Variants in LRRC4C observed in about 807,000 individuals in gnomAD.
LRRC4C encodes the protein leucine-rich repeat-containing protein 4C.
A neutral mutation model predicts 33.6 loss-of-function variants in LRRC4C; 5 were observed. That is an observed-to-expected ratio of 0.15 (90% CI 0.08 to 0.31). The LOEUF is 0.31. LRRC4C is among the 10% of genes least tolerant of loss of function. The pLI is 1.00. For synonymous variants in LRRC4C, 329 were observed against 302.0 expected (o/e 1.09, Z -0.93); for missense variants, 560 against 796.7 (o/e 0.70, Z 3.58).
chr11:40,599,564 T>C (rs546982397), intron 3 of LRRC4C, among the ~76,000 whole-genome samples: 14 of 152,286 alleles, frequency 9.2e-5, no homozygotes, highest in Non-Finnish European at 2.9e-5. Flanking sequence ...TTACCTTATA[T>C]TATTTATTTA....
chr11:40,576,251 G>A (rs1958187968), intron 3 of LRRC4C, among the ~76,000 whole-genome samples: 1 of 152,188 alleles, frequency 6.6e-6, no homozygotes, highest in Non-Finnish European at 1.5e-5. Flanking sequence ...GGGACACCAG[G>A]TTTTAGTACC....
chr11:41,199,688 T>A (rs990199), intron 1 of LRRC4C, among the ~76,000 whole-genome samples: 93,895 of 151,888 alleles, frequency 0.62, 31,812 homozygotes, highest in South Asian at 0.78. Flanking sequence ...ACCTACCTCC[T>A]CCATTGCTTA....
intron 1 of LRRC4C, among the ~76,000 whole-genome samples, chr11:41,160,540 C>T (rs1944423807): frequency 6.6e-6 from 1 of 151,966 alleles, no homozygotes; most frequent in South Asian, 2.1e-4. Flanking sequence ...AGGACAATGG[C>T]CATGCATACA....
chr11:41,441,922 T>C (rs2166653), intron 1 of LRRC4C, among the ~76,000 whole-genome samples: 2 of 151,884 alleles, frequency 1.3e-5, no homozygotes, highest in African/African-American at 4.8e-5. Context: ...AAATAAAACA[T>C]AAATTTAGGA....
chr11:40,341,567 T>C (rs190873311), intron 3 of LRRC4C, among the ~76,000 whole-genome samples: 1 of 151,994 alleles, frequency 6.6e-6, no homozygotes, highest in East Asian at 1.9e-4. Context: ...GGGATAGCAT[T>C]AGGAGATATA....
intron 2 of LRRC4C, among the ~76,000 whole-genome samples, chr11:40,711,828 G>T (rs1007926843): frequency 6.6e-6 from 1 of 151,948 alleles, no homozygotes; most frequent in African/African-American, 2.4e-5. Flanking sequence ...TAATTTATAA[G>T]TTGGAAACAT....
At chr11:41,061,807 A>G (rs1414579270) in intron 1 of LRRC4C, among the ~76,000 whole-genome samples, 2 of 152,064 alleles carry the variant, frequency 1.3e-5, no homozygotes, top group Non-Finnish European at 2.9e-5. Flanking sequence ...GACAAGCCCA[A>G]ATGGATAAAT....
chr11:41,429,318 T>C (rs1430941610), intron 1 of LRRC4C, among the ~76,000 whole-genome samples: 1 of 152,178 alleles, frequency 6.6e-6, no homozygotes, highest in Non-Finnish European at 1.5e-5. Flanking sequence ...TTATCCAGTA[T>C]TGGGTATGTC....
chr11:41,320,203 A>C (rs1950917470), intron 1 of LRRC4C, among the ~76,000 whole-genome samples: 1 of 152,194 alleles, frequency 6.6e-6, no homozygotes, highest in African/African-American at 2.4e-5. Context: ...TGCAACTTTA[A>C]ATAGTGGTTT....
intron 2 of LRRC4C, among the ~76,000 whole-genome samples, chr11:40,923,115 G>A (rs764811676): frequency 5.2e-4 from 79 of 152,148 alleles, no homozygotes; most frequent in Non-Finnish European, 9.3e-4. Context: ...GTGAGCCACT[G>A]CACCAGCCTG....
chr11:40,335,180 C>A (rs1410071295), intron 3 of LRRC4C, among the ~76,000 whole-genome samples: 3 of 152,000 alleles, frequency 2.0e-5, no homozygotes, highest in African/African-American at 7.2e-5. Flanking sequence ...GGTGCAGAAA[C>A]CATGACCCTG....
chr11:40,636,758 C>CA (rs1403934411), intron 3 of LRRC4C, among the ~76,000 whole-genome samples: 8 of 152,142 alleles, frequency 5.3e-5, no homozygotes, highest in African/African-American at 1.9e-4. Flanking sequence ...CTAACTCACT[C>CA]AAAGATTCAT....
At chr11:41,263,159 G>C (rs1400501687) in intron 1 of LRRC4C, among the ~76,000 whole-genome samples, 1 of 152,106 alleles carries the variant, frequency 6.6e-6, no homozygotes, top group Non-Finnish European at 1.5e-5. Context: ...AACCAAAACT[G>C]TTGGTTTGAA....
chr11:40,208,869 A>G (rs889520548), intron 5 of LRRC4C, among the ~76,000 whole-genome samples: 4 of 152,066 alleles, frequency 2.6e-5, no homozygotes, highest in African/African-American at 9.7e-5. Flanking sequence ...TCAACTCGGT[A>G]GTTTAAAATT....
chr11:40,354,719 C>G (rs973194675), intron 3 of LRRC4C, among the ~76,000 whole-genome samples: 1 of 152,116 alleles, frequency 6.6e-6, no homozygotes, highest in Non-Finnish European at 1.5e-5. Flanking sequence ...GCCTGGGTCT[C>G]TCCTTTCAGG....
At chr11:40,597,000 G>A (rs1310718200) in intron 3 of LRRC4C, among the ~76,000 whole-genome samples, 1 of 152,148 alleles carries the variant, frequency 6.6e-6, no homozygotes, top group Non-Finnish European at 1.5e-5. Flanking sequence ...AAAGATAAAT[G>A]TGATATTTAC....
chr11:40,767,131 TA>T (rs558598473), intron 2 of LRRC4C, among the ~76,000 whole-genome samples: 21 of 151,496 alleles, frequency 1.4e-4, no homozygotes, highest in Non-Finnish European at 2.4e-4. Flanking sequence ...ATAAATAAAA[TA>T]AAAAATATTT....
chr11:40,611,389 G>T (rs1961200989), intron 3 of LRRC4C, among the ~76,000 whole-genome samples: 2 of 151,812 alleles, frequency 1.3e-5, no homozygotes, highest in South Asian at 4.1e-4. Context: ...ACACTTAAAT[G>T]TAAGCCCTGA....
At chr11:41,280,887 T>C (rs1278617026) in intron 1 of LRRC4C, among the ~76,000 whole-genome samples, 1 of 151,922 alleles carries the variant, frequency 6.6e-6, no homozygotes, top group African/African-American at 2.4e-5. Flanking sequence ...TAGAAGCAAA[T>C]AGCATTTTGT....
Sources: gnomAD v4.1 joint callset for allele counts (sites outside exome capture counted in the v4.1 genomes callset) on GRCh38, gnomAD v4.1.1 for gene constraint, MANE v1.5 for transcripts, NCBI Gene and HGNC (gene_info 2026-07-23, HGNC 2026-07-21) for gene names.